Variants in PPP1R11 observed in about 807,000 individuals in gnomAD.
PPP1R11 encodes E3 ubiquitin-protein ligase PPP1R11.
Under a neutral mutation model 11.3 loss-of-function variants are expected in PPP1R11, and 10 were observed. That is an observed-to-expected ratio of 0.88 (90% confidence interval 0.55 to 1.50). The LOEUF (loss-of-function observed/expected upper bound fraction) is 1.50. Ranked by LOEUF, PPP1R11 falls within the 40% of genes most tolerant of loss-of-function variation. The pLI, the probability that PPP1R11 is intolerant of heterozygous loss-of-function variation, is 0.00. For missense variants in PPP1R11, 114 were observed against 179.1 expected, an observed-to-expected ratio of 0.64 and a Z score of 2.07; for synonymous variants, 56 against 62.3, an observed-to-expected ratio of 0.90 and a Z score of 0.48.
At chr6:30,061,734 A>T, upstream of PPP1R11, 1 of 1,605,536 alleles carries the variant, frequency 6.2e-7, no homozygotes, top group Non-Finnish European at 8.5e-7. This position sits in a 1 kb window ranked among gnomAD's most constrained non-coding sequence, Gnocchi z 5.0. Flanking sequence ...GGAACTCAAG[A>T]TCGGTTGGGT....
chr6:30,067,862 A>G (rs1288413774), intron 1 of PPP1R11, among the ~76,000 whole-genome samples: 2 of 152,188 alleles, frequency 1.3e-5, no homozygotes, highest in Non-Finnish European at 2.9e-5. Flanking sequence ...TGATATTCGA[A>G]TAAATATTTA....
chr6:30,061,346 C>G, the PPP1R11 span: 2 of 651,846 alleles, frequency 3.1e-6, no homozygotes, highest in South Asian at 2.3e-5. The surrounding 1 kb of genome is among the most constrained non-coding windows in gnomAD (Gnocchi z 5.0). Flanking sequence ...TAGTACCCGA[C>G]GCTGTCTGGG....
At chr6:30,062,325 C>T, upstream of PPP1R11, 1 of 1,608,472 alleles carries the variant, frequency 6.2e-7, no homozygotes. Context: ...ACACCTGTAC[C>T]AACTGCAAGT....
upstream of PPP1R11, chr6:30,062,363 G>A: frequency 6.9e-7 from 1 of 1,459,698 alleles, no homozygotes; most frequent in Non-Finnish European, 9.6e-7. Context: ...CCTCTGCTCA[G>A]TCTGTTTGCT....
At chr6:30,065,664 T>C (rs1765460053), upstream of PPP1R11, among the ~76,000 whole-genome samples, 1 of 152,068 alleles carries the variant, frequency 6.6e-6, no homozygotes, top group Non-Finnish European at 1.5e-5. This position sits in a 1 kb window ranked among gnomAD's most constrained non-coding sequence, Gnocchi z 5.3. Flanking sequence ...TGTTCAAGGA[T>C]GAATTGTATA....
At chr6:30,062,380 A>G, upstream of PPP1R11, 4 of 1,304,370 alleles carry the variant, frequency 3.1e-6, no homozygotes, top group Non-Finnish European at 4.4e-6. Flanking sequence ...TGCTAACTAA[A>G]CAAATCCAGT....
upstream of PPP1R11, chr6:30,064,928 T>C: frequency 2.5e-6 from 1 of 394,906 alleles, no homozygotes; most frequent in Non-Finnish European, 4.5e-6. Context: ...TTACTTATAA[T>C]CTGTCTTATT....
At position 30,069,568 on chromosome 6, in the gene PPP1R11, C is replaced by G; in HGVS notation, c.*262C>G. 2.4e-6 allele frequency: 1 copy of G among 410,926 alleles called. No homozygotes were observed. The highest frequency in any genetic ancestry group is 4.3e-6 in the Non-Finnish European group (1 of 233,088). The allele number at this position is 410,926 out of a possible 1,614,324, so 25.5% of individuals were successfully genotyped here. On this transcript the variant is annotated 3_prime_UTR_variant, in exon 3 of 3. Transcript: ENST00000376772. This position sits in a 1 kb window ranked among gnomAD's most constrained non-coding sequence, Gnocchi z 6.6. Reference sequence around the variant, plus strand: ...TTGGTCCCAGTGTCTTCCTTTTGTTCTCACTGCCAAACTGCCTGTCCTGGG... The same window carrying G: ...TTGGTCCCAGTGTCTTCCTTTTGTTGTCACTGCCAAACTGCCTGTCCTGGG...
chr6:30,066,732 G>A (rs1765566744), upstream of PPP1R11: 1 of 152,442 alleles, frequency 6.6e-6, no homozygotes, highest in South Asian at 2.0e-4. Context: ...GCGAGGGGTA[G>A]AACCACATCG....
upstream of PPP1R11, chr6:30,067,166 C>CT: frequency 2.2e-6 from 1 of 451,310 alleles, no homozygotes. Flanking sequence ...CATTTGGTGC[C>CT]GTGGAAGGGA....
chr6:30,063,607 G>A (rs375914423), upstream of PPP1R11, among the ~76,000 whole-genome samples: 38 of 151,956 alleles, frequency 2.5e-4, 1 homozygote, highest in East Asian at 3.5e-3. The surrounding 1 kb of genome is among the most constrained non-coding windows in gnomAD (Gnocchi z 4.1). Flanking sequence ...GTCTGATGCT[G>A]CTGTCTTTTG....
At chr6:30,064,815 A>G, upstream of PPP1R11, 1 of 830,046 alleles carries the variant, frequency 1.2e-6, no homozygotes, top group Non-Finnish European at 1.9e-6. Flanking sequence ...GAAGAGAATC[A>G]GATCATCATG....
upstream of PPP1R11, among the ~76,000 whole-genome samples, chr6:30,066,074 G>C (rs1226161085): frequency 1.3e-5 from 2 of 152,086 alleles, no homozygotes; most frequent in East Asian, 1.9e-4. Context: ...CCCACTGTAC[G>C]TTTGAACTGT....
chr6:30,067,055 C>G (rs1765591673), upstream of PPP1R11: 2 of 289,750 alleles, frequency 6.9e-6, no homozygotes, highest in Non-Finnish European at 1.3e-5. Flanking sequence ...CACCCACACC[C>G]GCAGTGACAC....
chr6:30,066,510 A>G (rs1765539477), upstream of PPP1R11, among the ~76,000 whole-genome samples: 1 of 152,248 alleles, frequency 6.6e-6, no homozygotes, highest in African/African-American at 2.4e-5. Flanking sequence ...ATGTAACTAC[A>G]TTCAGATTTA....
upstream of PPP1R11, among the ~76,000 whole-genome samples, chr6:30,062,714 C>CCTTTTTTTTTTTTT (rs749507630): frequency 1.2e-3 from 49 of 42,390 alleles, 5 homozygotes; most frequent in South Asian, 2.7e-3. Context: ...CCACGCCTGG[C>CCTTTTTTTTTTTTT]TTTTTTTTTT....
At chr6:30,062,543 ATTTTTTTTTTTT>A (rs9278553), upstream of PPP1R11, among the ~76,000 whole-genome samples, 3 of 64,990 alleles carry the variant, frequency 4.6e-5, no homozygotes, top group Admixed American at 2.2e-4. Context: ...ACCTTTTAGG[ATTTTTTTTTTTT>A]TTTTTTTTTT....
At chr6:30,064,141 C>G (rs1335516599), upstream of PPP1R11, among the ~76,000 whole-genome samples, 1 of 152,212 alleles carries the variant, frequency 6.6e-6, no homozygotes, top group Non-Finnish European at 1.5e-5. Context: ...TTAGTTTTAA[C>G]TTCCCTGTCT....
Position 30,068,686 on chromosome 6 carries a change from C to T in PPP1R11, c.166C>T (p.Arg56Cys), listed in dbSNP as rs760994229. 3 of 1,612,516 alleles carry T rather than the reference C, an allele frequency of 1.9e-6. No individual in the cohort carries two copies. Among genetic ancestry groups the T allele is most frequent in the Non-Finnish European group, 2.5e-6 (3 of 1,179,626 alleles). Residue 56 changes from arginine (R) to cysteine (C), a missense_variant, in exon 2 of 3, where the codon CGC becomes TGC. Transcript: ENST00000376772. ...TGTGGACAATGAACACATGGGCCGC[C>T]GCTCATCCAAATGTGAGTAATTGTT... ...DTVDNEHMGRRSSKCCCIYEK... is the reference protein window; with the variant it reads ...DTVDNEHMGRCSSKCCCIYEK...
Sources: allele counts gnomAD v4.1 joint callset (sites outside exome capture counted in the v4.1 genomes callset), GRCh38; gene constraint gnomAD v4.1.1; non-coding constraint Gnocchi (gnomAD v3.1); transcripts MANE v1.5; gene names NCBI Gene and HGNC (gene_info 2026-07-23, HGNC 2026-07-21).